The following SGCZ variants were observed in gnomAD, a reference collection of about 807,000 sequenced individuals.
The protein encoded by SGCZ is zeta-sarcoglycan.
SGCZ carries 40 observed loss-of-function variants against 41.3 expected under a neutral mutation model. The observed-to-expected ratio is 0.97, with a 90% CI of 0.75 to 1.26. SGCZ has a LOEUF of 1.26. Among genes scored for constraint, SGCZ ranks in the 50% most tolerant of loss-of-function variants. The probability of loss-of-function intolerance (pLI) is 0.00; values close to 1 mark genes in which losing one functional copy is unlikely to be tolerated. For missense variants in SGCZ, 552 were observed against 369.8 expected, an observed-to-expected ratio of 1.49 and a Z score of -4.04; for synonymous variants, 206 against 137.5, an observed-to-expected ratio of 1.50 and a Z score of -3.49.
intron 1 of SGCZ, among the ~76,000 whole-genome samples, chr8:14,919,805 C>G (rs999178648): frequency 1.3e-5 from 2 of 152,030 alleles, no homozygotes; most frequent in African/African-American, 4.8e-5. Flanking sequence ...GTAATCCCAG[C>G]TACTCGGGAA....
intron 2 of SGCZ, among the ~76,000 whole-genome samples, chr8:14,428,471 T>C (rs1799851201): frequency 6.6e-6 from 1 of 152,154 alleles, no homozygotes. Flanking sequence ...ACTGTGGTGG[T>C]ATATTATTTT....
At chr8:14,305,965 C>A (rs887332449) in intron 3 of SGCZ, among the ~76,000 whole-genome samples, 35 of 152,306 alleles carry the variant, frequency 2.3e-4, no homozygotes, top group African/African-American at 7.9e-4. Context: ...GCCATTTCAA[C>A]CATCATACCG....
At chr8:14,731,437 T>A (rs1479376714) in intron 1 of SGCZ, among the ~76,000 whole-genome samples, 1 of 152,008 alleles carries the variant, frequency 6.6e-6, no homozygotes, top group Non-Finnish European at 1.5e-5. Context: ...CTGATGTAGA[T>A]GATGGGTTGA....
intron 2 of SGCZ, among the ~76,000 whole-genome samples, chr8:14,434,781 T>A (rs142183482): frequency 8.5e-4 from 129 of 152,118 alleles, no homozygotes; most frequent in Non-Finnish European, 1.3e-3. Context: ...CACTGTTAGT[T>A]AGCTAGGCAC....
chr8:15,010,866 A>G (rs144834167), intron 1 of SGCZ, among the ~76,000 whole-genome samples: 1 of 152,272 alleles, frequency 6.6e-6, no homozygotes, highest in East Asian at 1.9e-4. Flanking sequence ...CCAAACAATA[A>G]TTTGCACAGA....
chr8:14,526,146 T>C (rs1168358234), intron 2 of SGCZ, among the ~76,000 whole-genome samples: 1 of 152,130 alleles, frequency 6.6e-6, no homozygotes, highest in Non-Finnish European at 1.5e-5. Flanking sequence ...TAATTAATGG[T>C]TTTTATCACC....
intron 1 of SGCZ, among the ~76,000 whole-genome samples, chr8:14,824,696 G>C (rs1277181179): frequency 6.6e-6 from 1 of 152,000 alleles, no homozygotes; most frequent in Non-Finnish European, 1.5e-5. Flanking sequence ...AGGAATGAGT[G>C]ATAATTAAGA....
At chr8:14,650,254 A>G (rs139215995) in intron 1 of SGCZ, among the ~76,000 whole-genome samples, 2 of 152,172 alleles carry the variant, frequency 1.3e-5, no homozygotes, top group African/African-American at 2.4e-5. Flanking sequence ...GGAAGTGAGA[A>G]GCACCTGACT....
intron 1 of SGCZ, among the ~76,000 whole-genome samples, chr8:14,716,409 T>C (rs1031673931): frequency 2.6e-5 from 4 of 152,104 alleles, no homozygotes; most frequent in African/African-American, 9.7e-5. Context: ...ACATAGCATA[T>C]TGATTATTAA....
chr8:14,215,531 G>GA lies in SGCZ; in HGVS notation c.424+22060dup, dbSNP rs199764085. Among the ~76,000 whole-genome samples the GA allele has an allele frequency of 8.2e-3, 1,243 of 150,940 alleles. 15 individuals are homozygous for GA. Among genetic ancestry groups the GA allele is most frequent in the African/African-American group, 0.029 (1,190 of 41,248 alleles). On this transcript the variant is annotated intron_variant, in intron 4 of 7. Coordinates refer to ENST00000382080, the MANE Select transcript of SGCZ (RefSeq NM_139167.4). Reference sequence around the variant, plus strand: ...AAAGAAGTCAATGAAATTTAAAGCAGAAAAAATAGAGAAAAATCAATAAAT... The same window carrying GA: ...AAAGAAGTCAATGAAATTTAAAGCAGAAAAAAATAGAGAAAAATCAATAAAT...
intron 1 of SGCZ, among the ~76,000 whole-genome samples, chr8:14,622,077 A>C (rs1806304570): frequency 6.6e-6 from 1 of 152,138 alleles, no homozygotes; most frequent in Non-Finnish European, 1.5e-5. Flanking sequence ...GTCATCAGAT[A>C]AGTTTGTATA....
chr8:14,246,851 A>G (rs1258143825), intron 3 of SGCZ, among the ~76,000 whole-genome samples: 1 of 144,886 alleles, frequency 6.9e-6, no homozygotes. Context: ...CAGAGCTTGC[A>G]GTGAGCCGAG....
At chr8:14,359,530 T>G (rs1803428498) in intron 2 of SGCZ, among the ~76,000 whole-genome samples, 1 of 151,966 alleles carries the variant, frequency 6.6e-6, no homozygotes. Context: ...ATCAAGGTTC[T>G]TCACTGATCA....
At position 14,142,206 on chromosome 8, in the gene SGCZ, T is replaced by G. The variant is rs566361026; in HGVS notation, c.547+22374A>C. Reference sequence around the variant, plus strand: ...GGGGGAGGGATAGCACTGGGAGAAGTGCCTAATGTAAATGACGAGTTAAGG... The same window carrying G: ...GGGGGAGGGATAGCACTGGGAGAAGGGCCTAATGTAAATGACGAGTTAAGG... On this transcript the variant is annotated intron_variant, in intron 5 of 7. Transcript: ENST00000382080. 5.3e-5 allele frequency among the ~76,000 whole-genome samples: 8 copies of G among 152,118 alleles called. No individual in the cohort carries two copies. In the South Asian group the frequency reaches 1.0e-3, roughly 20 times the overall value.
intron 1 of SGCZ, among the ~76,000 whole-genome samples, chr8:14,816,040 T>G (rs1443123236): frequency 6.6e-6 from 1 of 152,240 alleles, no homozygotes; most frequent in African/African-American, 2.4e-5. Flanking sequence ...AAATTAATTT[T>G]AACAATATAT....
At chr8:15,130,415 G>T (rs1300664478) in intron 1 of SGCZ, among the ~76,000 whole-genome samples, 4 of 152,130 alleles carry the variant, frequency 2.6e-5, no homozygotes, top group African/African-American at 7.2e-5. Context: ...ATGCAAATGA[G>T]AAAAATTAAT....
intron 3 of SGCZ, among the ~76,000 whole-genome samples, chr8:14,285,110 T>C (rs1415185621): frequency 1.1e-4 from 17 of 152,190 alleles, no homozygotes; most frequent in Admixed American, 1.1e-3. Flanking sequence ...CTCAGCCTTA[T>C]TAAATCTCAA....
At chr8:14,963,004 A>C (rs376527543) in intron 1 of SGCZ, among the ~76,000 whole-genome samples, 4 of 152,310 alleles carry the variant, frequency 2.6e-5, no homozygotes, top group East Asian at 3.9e-4. Flanking sequence ...TAGGAGGAGC[A>C]AGTTAAAGAT....
intron 3 of SGCZ, among the ~76,000 whole-genome samples, chr8:14,270,006 C>A (rs1800006540): frequency 6.6e-6 from 1 of 152,046 alleles, no homozygotes; most frequent in South Asian, 2.1e-4. Flanking sequence ...TTTGATGACA[C>A]AATTTCATGG....
Sources: allele counts gnomAD v4.1 joint callset (sites outside exome capture counted in the v4.1 genomes callset), GRCh38; gene constraint gnomAD v4.1.1; transcripts MANE v1.5; gene names NCBI Gene and HGNC (gene_info 2026-07-23, HGNC 2026-07-21).